The following IL1RAPL1 variants were observed in gnomAD, a reference collection of about 807,000 sequenced individuals.
IL1RAPL1 encodes the protein interleukin-1 receptor accessory protein-like 1.
A neutral mutation model predicts 48.4 loss-of-function variants in IL1RAPL1; 3 were observed. The ratio of observed to expected loss-of-function variants is 0.06; its 90% CI spans 0.03 to 0.16. The LOEUF is 0.16. IL1RAPL1 is among the 10% of genes least tolerant of loss of function. The pLI is 1.00. For synonymous variants in IL1RAPL1, 185 were observed against 187.7 expected, an observed-to-expected ratio of 0.99 and a Z score of 0.12; for missense variants, 349 against 530.6, an observed-to-expected ratio of 0.66 and a Z score of 3.36.
At chrX:28,621,128 C>A (rs754131354) in intron 1 of IL1RAPL1, among the ~76,000 whole-genome samples, 7 of 112,120 alleles carry the variant, frequency 6.2e-5, no homozygotes, top group African/African-American at 2.3e-4. Context: ...CTCTGCAGAG[C>A]ACCTATTGTT....
chrX:29,295,665 T>A (rs1483131823), intron 3 of IL1RAPL1, among the ~76,000 whole-genome samples: 1 of 111,298 alleles, frequency 9.0e-6, no homozygotes, highest in Non-Finnish European at 1.9e-5. Context: ...TCAGAGCGGA[T>A]GTATTGGCTG....
At chrX:29,409,073 C>A (rs182721072) in intron 5 of IL1RAPL1, among the ~76,000 whole-genome samples, 1 of 111,740 alleles carries the variant, frequency 8.9e-6, no homozygotes, top group East Asian at 2.8e-4. Context: ...CAAAAAATTG[C>A]GTATTTTATT....
At chrX:29,141,059 A>C (rs1402473304) in intron 2 of IL1RAPL1, among the ~76,000 whole-genome samples, 1 of 111,012 alleles carries the variant, frequency 9.0e-6, no homozygotes, top group African/African-American at 3.3e-5. Flanking sequence ...TCTCACAATG[A>C]ATTTTTGACA....
chrX:28,723,222 C>T (rs1935614813), intron 1 of IL1RAPL1, among the ~76,000 whole-genome samples: 1 of 110,799 alleles, frequency 9.0e-6, no homozygotes, highest in Admixed American at 9.7e-5. Context: ...CCATCTGGTC[C>T]TGGACTTTTT....
intron 5 of IL1RAPL1, among the ~76,000 whole-genome samples, chrX:29,534,711 G>A (rs1407449193): frequency 1.8e-5 from 2 of 110,460 alleles, no homozygotes; most frequent in East Asian, 2.9e-4. Context: ...GCTCATGCCT[G>A]TAATCCCAGC....
chrX:29,711,573 C>T (rs1927356882), intron 6 of IL1RAPL1, among the ~76,000 whole-genome samples: 1 of 111,350 alleles, frequency 9.0e-6, no homozygotes, highest in Non-Finnish European at 1.9e-5. Context: ...TTAAATGATG[C>T]TTATGAACCA....
At chrX:28,641,249 G>A (rs1934536790) in intron 1 of IL1RAPL1, among the ~76,000 whole-genome samples, 1 of 109,164 alleles carries the variant, frequency 9.2e-6, no homozygotes, top group Non-Finnish European at 1.9e-5. Context: ...AGTGTGTGAC[G>A]TTCCCCTCCC....
intron 1 of IL1RAPL1, among the ~76,000 whole-genome samples, chrX:28,786,009 T>C (rs1179583317): frequency 2.7e-5 from 3 of 111,613 alleles, no homozygotes; most frequent in Non-Finnish European, 3.8e-5. Flanking sequence ...TCATTGAGCA[T>C]TGGAAATTAA....
At chrX:29,808,307 A>T (rs1014155134) in intron 6 of IL1RAPL1, among the ~76,000 whole-genome samples, 4 of 112,068 alleles carry the variant, frequency 3.6e-5, no homozygotes, top group Non-Finnish European at 7.5e-5. Context: ...TTTTTAAGTA[A>T]GTGAACTAAT....
intron 2 of IL1RAPL1, among the ~76,000 whole-genome samples, chrX:29,043,462 TCC>T (rs1926888551): frequency 1.8e-5 from 2 of 111,160 alleles, no homozygotes; most frequent in Non-Finnish European, 3.8e-5. Flanking sequence ...TAACTTTTTT[TCC>T]GAGTCCACCA....
intron 9 of IL1RAPL1, among the ~76,000 whole-genome samples, chrX:29,951,978 C>T (rs998382609): frequency 9.0e-6 from 1 of 111,301 alleles, no homozygotes; most frequent in African/African-American, 3.3e-5. Context: ...TGAAGTGGAC[C>T]GCAGAAAACA....
At chrX:29,650,082 T>C in intron 5 of IL1RAPL1, among the ~76,000 whole-genome samples, 1 of 111,876 alleles carries the variant, frequency 8.9e-6, no homozygotes, top group East Asian at 2.8e-4. Context: ...CACTGAAAAC[T>C]GTAGCCGTTT....
chrX:29,891,768 A>G (rs1331653746), intron 6 of IL1RAPL1, among the ~76,000 whole-genome samples: 1 of 111,863 alleles, frequency 8.9e-6, no homozygotes, highest in African/African-American at 3.2e-5. Flanking sequence ...TTAAGTATAA[A>G]GGAGATGAGA....
chrX:29,821,646 T>G (rs1238365158), intron 6 of IL1RAPL1, among the ~76,000 whole-genome samples: 3 of 111,538 alleles, frequency 2.7e-5, no homozygotes, highest in African/African-American at 9.8e-5. Context: ...ATTTAGGCTG[T>G]TTTTATTCAC....
At chrX:28,779,110 A>G (rs188333957) in intron 1 of IL1RAPL1, among the ~76,000 whole-genome samples, 193 of 111,806 alleles carry the variant, frequency 1.7e-3, no homozygotes, top group Middle Eastern at 9.3e-3. Flanking sequence ...GCACTTAACC[A>G]CTTTCATTGT....
rs1555926457 is a variant in IL1RAPL1 at position 28,815,835 on chromosome X, T to TTATG, written c.82+26414_82+26417dup. ...TAATCTATTGTGTATGTATGTGTGTTTATGTATATATATATATATATATAT... is the reference window on the plus strand; with the variant it reads ...TAATCTATTGTGTATGTATGTGTGTTTATGTATGTATATATATATATATATATAT... On this transcript the variant is annotated intron_variant, in intron 2 of 10. Transcript: ENST00000378993. Among the ~76,000 whole-genome samples, 197 of 27,619 alleles carry TTATG rather than the reference T, an allele frequency of 7.1e-3. 6 individuals carry two copies. The highest frequency in any genetic ancestry group is 0.03 in the African/African-American group (189 of 6,296). 24.0% of individuals were successfully genotyped at this position (27,619 alleles called of 115,157 possible).
intron 2 of IL1RAPL1, among the ~76,000 whole-genome samples, chrX:28,841,325 C>CA (rs1921365918): frequency 9.1e-6 from 1 of 110,447 alleles, no homozygotes; most frequent in Admixed American, 9.7e-5. Flanking sequence ...AAATTCAACT[C>CA]AAAGACTAAA....
At chrX:29,192,857 G>A (rs1930377427) in intron 2 of IL1RAPL1, among the ~76,000 whole-genome samples, 1 of 110,961 alleles carries the variant, frequency 9.0e-6, no homozygotes, top group African/African-American at 3.3e-5. Flanking sequence ...TTTCTCATGA[G>A]GAAAAATGAT....
chrX:29,492,202 G>A (rs1303676817), intron 5 of IL1RAPL1, among the ~76,000 whole-genome samples: 6 of 112,490 alleles, frequency 5.3e-5, no homozygotes, highest in Non-Finnish European at 1.1e-4. Flanking sequence ...CGTAAGTGAA[G>A]TCTTGTAACC....
Sources: allele counts gnomAD v4.1 joint callset (sites outside exome capture counted in the v4.1 genomes callset), GRCh38; gene constraint gnomAD v4.1.1; transcripts MANE v1.5; gene names NCBI Gene and HGNC (gene_info 2026-07-23, HGNC 2026-07-21).